The following STK26 variants were observed in gnomAD, a reference collection of about 807,000 sequenced individuals.
STK26 encodes the protein serine/threonine kinase 26.
Under a neutral mutation model 34.7 loss-of-function variants are expected in STK26, and 14 were observed. The observed-to-expected ratio is 0.40, with a 90% CI of 0.27 to 0.63. The LOEUF (loss-of-function observed/expected upper bound fraction) is 0.63, where lower values mean the gene tolerates loss of function less well. Ranked by LOEUF, STK26 falls within the 30% of genes least tolerant of loss-of-function variation. The pLI is 0.38. For missense variants in STK26, 226 were observed against 309.1 expected (o/e 0.73, Z 2.02); for synonymous variants, 100 against 109.8 (o/e 0.91, Z 0.56).
chrX:132,053,438 G>T (rs1926753977), intron 2 of STK26, among the ~76,000 whole-genome samples: 1 of 111,953 alleles, frequency 8.9e-6, no homozygotes, highest in Admixed American at 9.5e-5. Context: ...GTAGTAGTGT[G>T]TCCATTTGGT....
intron 4 of STK26, among the ~76,000 whole-genome samples, chrX:132,067,784 TA>T (rs1352498422): frequency 3.6e-5 from 4 of 111,984 alleles, no homozygotes; most frequent in Non-Finnish European, 5.6e-5. Context: ...TTCTCTGACC[TA>T]AAAATCAGTT....
Position 132,074,188 on chromosome X carries a change from T to C in STK26, c.*29T>C. On this transcript the variant is annotated 3_prime_UTR_variant, in exon 12 of 12. Transcript: ENST00000394334. ...ACTTATTATTGGCTTCTGTTTCATA[T>C]GGACCCAGAGAGCCCCACCAAACCT... The C allele has an allele frequency of 5.0e-6, 6 of 1,196,202 alleles. No individual in the cohort carries two copies. Among genetic ancestry groups the C allele is most frequent in the Non-Finnish European group, 6.8e-6 (6 of 885,016 alleles).
chrX:132,043,440 G>A (rs1395388782), intron 2 of STK26, among the ~76,000 whole-genome samples: 2 of 111,376 alleles, frequency 1.8e-5, no homozygotes, highest in Non-Finnish European at 3.8e-5. Flanking sequence ...TATTAACAGA[G>A]TCTTTGTCTT....
intron 3 of STK26, among the ~76,000 whole-genome samples, chrX:132,062,069 T>G (rs778892372): frequency 2.7e-5 from 3 of 112,460 alleles, no homozygotes; most frequent in Non-Finnish European, 5.6e-5. Context: ...TGAAATTGTC[T>G]TTTGGGAGGA....
At chrX:132,063,875 T>G (rs1372091219) in intron 4 of STK26, among the ~76,000 whole-genome samples, 1 of 112,029 alleles carries the variant, frequency 8.9e-6, no homozygotes, top group African/African-American at 3.2e-5. Context: ...TTTTATGAAC[T>G]GAATGTTTGT....
chrX:132,050,007 T>G (rs143021966), intron 2 of STK26, among the ~76,000 whole-genome samples: 100 of 111,407 alleles, frequency 9.0e-4, no homozygotes, highest in African/African-American at 3.1e-3. Flanking sequence ...GTTTTCACTC[T>G]CAGTCCCAGA....
intron 3 of STK26, among the ~76,000 whole-genome samples, chrX:132,056,818 T>G (rs1469267624): frequency 1.8e-5 from 2 of 112,742 alleles, no homozygotes; most frequent in Non-Finnish European, 3.8e-5. Context: ...AGCTGATGTC[T>G]GGAGCATAGG....
At chrX:132,029,625 T>A (rs146504961) in intron 2 of STK26, among the ~76,000 whole-genome samples, 2 of 110,994 alleles carry the variant, frequency 1.8e-5, no homozygotes, top group Non-Finnish European at 3.8e-5. Context: ...CTCCTCTCTG[T>A]AGATCTATAC....
intron 2 of STK26, among the ~76,000 whole-genome samples, chrX:132,037,045 C>T (rs1163872370): frequency 1.8e-5 from 2 of 111,526 alleles, no homozygotes; most frequent in Non-Finnish European, 3.8e-5. Context: ...TAAGAGAAAT[C>T]AATGTAATTT....
chrX:132,055,367 G>C lies in STK26; in HGVS notation c.273+506G>C, dbSNP rs1926821112. 8.5e-6 allele frequency: 7 copies of C among 826,506 alleles called. No homozygotes were observed. In the East Asian group the frequency reaches 2.4e-4, roughly 28 times the overall value. 68.1% of individuals were successfully genotyped at this position (826,506 alleles called of 1,213,427 possible). ...TAGCACAGGGTATGGTACATCTTAAGCATGTGGTAAATATTTGTTAAAATG... is the reference window on the plus strand; with the variant it reads ...TAGCACAGGGTATGGTACATCTTAACCATGTGGTAAATATTTGTTAAAATG... On this transcript the variant is annotated intron_variant, in intron 3 of 11. Transcript: ENST00000394334.
At position 132,068,503 on chromosome X, in the gene STK26, T is replaced by A. The variant is rs142833022; in HGVS notation, c.531T>A (p.Asn177Lys). The A allele has an allele frequency of 6.6e-6, 8 of 1,211,061 alleles. No individual in the cohort carries two copies. The highest frequency in any genetic ancestry group is 8.9e-6 in the Non-Finnish European group (8 of 895,128). The part of the protein sequence containing the change: ...GQLTDTQIKR[N>K]TFVGTPFWMA... ...TGACAGATACACAGATTAAAAGAAA[T>A]ACCTTTGTGGGAACTCCATTTTGGA... Residue 177 changes from asparagine to lysine, a missense_variant, in exon 6 of 12, where the codon AAT (asparagine) becomes AAA (lysine). This residue lies in a region of STK26 where 100 missense variants were observed against 176.7 expected (regional missense o/e 0.57). Transcript: ENST00000394334.
chrX:132,070,569 A>G (rs1352552655), intron 7 of STK26, among the ~76,000 whole-genome samples: 1 of 112,390 alleles, frequency 8.9e-6, no homozygotes, highest in Non-Finnish European at 1.9e-5. Flanking sequence ...TGAAGGCGGA[A>G]CATCCTCCAC....
intron 4 of STK26, among the ~76,000 whole-genome samples, chrX:132,066,258 CA>C (rs1960342486): frequency 9.0e-6 from 1 of 111,218 alleles, no homozygotes; most frequent in Non-Finnish European, 1.9e-5. Flanking sequence ...TGGCTTGCAA[CA>C]AAAACACATA....
intron 4 of STK26, among the ~76,000 whole-genome samples, chrX:132,065,356 C>A (rs1289380847): frequency 9.0e-6 from 1 of 111,630 alleles, no homozygotes; most frequent in African/African-American, 3.3e-5. Context: ...AGAGCCCTTT[C>A]CAAATTTATC....
intron 2 of STK26, among the ~76,000 whole-genome samples, chrX:132,046,424 C>T (rs1362415311): frequency 8.9e-6 from 1 of 111,789 alleles, no homozygotes; most frequent in Non-Finnish European, 1.9e-5. Context: ...ATGTCAAAAT[C>T]TTTTGTAATA....
intron 3 of STK26, among the ~76,000 whole-genome samples, chrX:132,056,184 T>C (rs991398070): frequency 8.9e-6 from 1 of 112,398 alleles, no homozygotes; most frequent in East Asian, 2.8e-4. Context: ...GGGAAACTAC[T>C]GTGTTCTTTT....
At chrX:132,062,414 C>T (rs1260663472) in intron 3 of STK26, among the ~76,000 whole-genome samples, 1 of 112,272 alleles carries the variant, frequency 8.9e-6, no homozygotes, top group Non-Finnish European at 1.9e-5. Flanking sequence ...TACATATATT[C>T]CTCCCAGGAG....
chrX:132,063,582 C>T (rs1220897951), intron 4 of STK26, 93 bp downstream of exon 4: 40 of 804,578 alleles, frequency 5.0e-5, no homozygotes, highest in East Asian at 6.4e-5. Context: ...CTTTTGAGCA[C>T]GCTAAGTGGT....
At chrX:132,025,997 T>A (rs1465298864) in intron 2 of STK26, among the ~76,000 whole-genome samples, 2 of 112,049 alleles carry the variant, frequency 1.8e-5, no homozygotes, top group Admixed American at 9.4e-5. Context: ...TACTGTATAG[T>A]GTTTCCACAA....
Sources: gnomAD v4.1 joint callset for allele counts (sites outside exome capture counted in the v4.1 genomes callset) on GRCh38, gnomAD v4.1.1 for gene constraint, gnomAD v4.1.1 regional missense constraint, MANE v1.5 for transcripts, NCBI Gene and HGNC (gene_info 2026-07-23, HGNC 2026-07-21) for gene names.